Variants in ZZZ3 observed in about 807,000 individuals in gnomAD.
ZZZ3 encodes zinc finger ZZ-type containing 3, also known as ZZ-type zinc finger-containing protein 3.
In ZZZ3, 22 loss-of-function variants were observed where a neutral mutation model predicts 95.2. That is an observed-to-expected ratio of 0.23 (90% CI 0.17 to 0.33). The LOEUF (loss-of-function observed/expected upper bound fraction) is 0.33. ZZZ3 is among the 10% of genes least tolerant of loss of function. The pLI, the probability that ZZZ3 is intolerant of heterozygous loss-of-function variation, is 1.00. For missense variants in ZZZ3, 885 were observed against 1,066.5 expected (o/e 0.83, Z 2.37); for synonymous variants, 335 against 358.9 (o/e 0.93, Z 0.75).
At chr1:77,648,935 G>A (rs1202750491) in intron 1 of ZZZ3, among the ~76,000 whole-genome samples, 1 of 151,920 alleles carries the variant, frequency 6.6e-6, no homozygotes, top group African/African-American at 2.4e-5. Flanking sequence ...GATTGGGTGG[G>A]GTTCAACATA....
chr1:77,569,344 A>AAAAAT (rs1287490464), intron 12 of ZZZ3, among the ~76,000 whole-genome samples: 1 of 152,144 alleles, frequency 6.6e-6, no homozygotes, highest in Non-Finnish European at 1.5e-5. Context: ...CTCAAAATTA[A>AAAAAT]AAAATAAAAT....
intron 5 of ZZZ3, among the ~76,000 whole-genome samples, chr1:77,614,258 ACT>A (rs1021306019): frequency 1.3e-5 from 2 of 152,192 alleles, no homozygotes; most frequent in African/African-American, 4.8e-5. Context: ...TCCTAAGCCG[ACT>A]CTAGTGGAAC....
rs1273458820 is a variant in ZZZ3, at chr1:77,579,556, C to T, written c.2053G>A (p.Asp685Asn). The T allele has an allele frequency of 6.3e-7, 1 of 1,591,566 alleles. No individual in the cohort carries two copies. Among genetic ancestry groups the T allele is most frequent in the African/African-American group, 1.4e-5 (1 of 73,062 alleles). The change falls in exon 10 of 15, where the codon GAT becomes AAT. Residue 685 changes from aspartate to asparagine, a missense_variant. Around this residue, in one of 5 missense-constraint regions of ZZZ3, gnomAD observed 2 missense variants for 16.6 expected, o/e 0.12. Transcript: ENST00000370801. ...TTTGCTGTCCTGTTGCCCAATTCAT[C>T]TGCTATCTTCTGCCAGCGTCGAGAT... ...VESRRWQKIADELGNRTAKQV... is the reference protein window; with the variant it reads ...VESRRWQKIANELGNRTAKQV...
At chr1:77,581,531 G>A (rs145096396) in intron 8 of ZZZ3, among the ~76,000 whole-genome samples, 1 of 152,098 alleles carries the variant, frequency 6.6e-6, no homozygotes, top group African/African-American at 2.4e-5. Context: ...CTACAAGATA[G>A]GTAATATCAA....
chr1:77,573,004 T>C (rs1402014343), intron 12 of ZZZ3, among the ~76,000 whole-genome samples: 1 of 152,142 alleles, frequency 6.6e-6, no homozygotes, highest in African/African-American at 2.4e-5. Flanking sequence ...TTTTTATCCA[T>C]ACTTCAAGTA....
At position 77,633,200 on chromosome 1, in the gene ZZZ3, T is replaced by C; in HGVS notation, c.155A>G (p.Lys52Arg). ...NSQVRSRSPKKRPEPVPIQKG... is the reference protein window; with the variant it reads ...NSQVRSRSPKRRPEPVPIQKG... The stretch of plus-strand genomic sequence containing the variant: ...CTGAATTGGCACAGGCTCTGGTCTC[T>C]TCTTTGGTGATCTTGATCGTACTTG... Residue 52 changes from lysine to arginine, a missense_variant, in exon 5 of 15, where the codon AAG (lysine) becomes AGG (arginine). Around this residue, in one of 5 missense-constraint regions of ZZZ3, gnomAD observed 556 missense variants for 652.9 expected, o/e 0.85. Transcript: ENST00000370801. 1 of 1,614,168 alleles carries C rather than the reference T, an allele frequency of 6.2e-7. No homozygotes were observed. The highest frequency in any genetic ancestry group is 2.2e-5 in the East Asian group (1 of 44,880).
chr1:77,604,941 T>A (rs1036042179), intron 5 of ZZZ3, among the ~76,000 whole-genome samples: 3 of 152,038 alleles, frequency 2.0e-5, no homozygotes, highest in Non-Finnish European at 4.4e-5. Context: ...ACTTAGAAGA[T>A]TTTGACTGAA....
At chr1:77,565,999 A>G in intron 14 of ZZZ3, 82 bp downstream of exon 14, 2 of 1,233,834 alleles carry the variant, frequency 1.6e-6, no homozygotes, top group South Asian at 1.5e-5. Flanking sequence ...AATATTTTCT[A>G]TGTTTGGAAA....
At position 77,595,923 on chromosome 1, in the gene ZZZ3, C is replaced by T. The variant is rs1179790875; in HGVS notation, c.1506-11268G>A. Among the ~76,000 whole-genome samples, 4 of 152,100 alleles carry T rather than the reference C, an allele frequency of 2.6e-5. No homozygotes were observed. In the East Asian group the frequency reaches 7.7e-4, roughly 29 times the overall value. ...GTATACTGAAACTGCATTCAAGATA[C>T]GAATACTTGCTACGTAGAAAAGAGA... On this transcript the variant is annotated intron_variant, in intron 5 of 14. Transcript: ENST00000370801.
intron 5 of ZZZ3, among the ~76,000 whole-genome samples, chr1:77,601,608 T>C (rs1380645316): frequency 6.6e-6 from 1 of 152,228 alleles, no homozygotes; most frequent in Non-Finnish European, 1.5e-5. Context: ...CCAAAAGGGA[T>C]AGGACCCAAT....
intron 1 of ZZZ3, among the ~76,000 whole-genome samples, chr1:77,644,043 C>T (rs1251031412): frequency 6.6e-6 from 1 of 151,260 alleles, no homozygotes; most frequent in East Asian, 1.9e-4. Context: ...AAGATATGGT[C>T]AAAGACAGAA....
intron 1 of ZZZ3, among the ~76,000 whole-genome samples, chr1:77,646,531 G>A (rs1359123489): frequency 1.3e-5 from 2 of 151,954 alleles, no homozygotes; most frequent in African/African-American, 2.4e-5. Flanking sequence ...CTCTGCTTTC[G>A]TTAAGTCTTA....
chr1:77,578,738 T>C, intron 11 of ZZZ3, 36 bp downstream of exon 11: 1 of 1,220,670 alleles, frequency 8.2e-7, no homozygotes, highest in Non-Finnish European at 1.1e-6. Flanking sequence ...TTTAATAAAT[T>C]TAATCTACAG....
At chr1:77,657,665 T>C (rs1361619308) in intron 1 of ZZZ3, among the ~76,000 whole-genome samples, 2 of 152,142 alleles carry the variant, frequency 1.3e-5, no homozygotes, top group Admixed American at 6.6e-5. Flanking sequence ...AATCCAAGAA[T>C]AATGAGAACA....
intron 1 of ZZZ3, among the ~76,000 whole-genome samples, chr1:77,650,603 A>C (rs772709675): frequency 1.3e-5 from 2 of 152,040 alleles, no homozygotes; most frequent in Non-Finnish European, 2.9e-5. Context: ...AATCCAAAGC[A>C]GTAAACATGT....
At chr1:77,662,686 G>A (rs1433569710) in intron 1 of ZZZ3, among the ~76,000 whole-genome samples, 2 of 152,142 alleles carry the variant, frequency 1.3e-5, no homozygotes, top group Non-Finnish European at 2.9e-5. Context: ...AGCTACTTGG[G>A]AGGCTAAAGC....
At chr1:77,579,952 C>A (rs1264414137) in intron 9 of ZZZ3, 2 of 159,330 alleles carry the variant, frequency 1.3e-5, no homozygotes, top group Non-Finnish European at 2.7e-5. Flanking sequence ...ACTGAAATCA[C>A]TAAATCCACT....
chr1:77,612,603 A>C (rs1300013313), intron 5 of ZZZ3, among the ~76,000 whole-genome samples: 1 of 152,016 alleles, frequency 6.6e-6, no homozygotes, highest in Non-Finnish European at 1.5e-5. Flanking sequence ...ATACTATTCA[A>C]TTTTTTAAAA....
chr1:77,593,832 T>C (rs1006718838), intron 5 of ZZZ3, among the ~76,000 whole-genome samples: 3 of 152,154 alleles, frequency 2.0e-5, no homozygotes, highest in Non-Finnish European at 4.4e-5. Flanking sequence ...AGAGTCCTAG[T>C]TCAAGTCCCA....
Sources: gnomAD v4.1 joint callset for allele counts (sites outside exome capture counted in the v4.1 genomes callset) on GRCh38, gnomAD v4.1.1 for gene constraint, gnomAD v4.1.1 regional missense constraint, MANE v1.5 for transcripts, NCBI Gene and HGNC (gene_info 2026-07-23, HGNC 2026-07-21) for gene names.